Variants in HMGCLL1 observed in about 807,000 individuals in gnomAD.
HMGCLL1 encodes the protein 3-hydroxy-3-methylglutaryl-CoA lyase like 1.
A neutral mutation model predicts 39.1 loss-of-function variants in HMGCLL1; 36 were observed. The ratio of observed to expected loss-of-function variants is 0.92; its 90% CI spans 0.71 to 1.22. The LOEUF is 1.22. Ranked by LOEUF, HMGCLL1 falls within the 50% of genes most tolerant of loss-of-function variation. The probability of loss-of-function intolerance (pLI) is 0.00; values close to 1 mark genes in which losing one functional copy is unlikely to be tolerated. For missense variants in HMGCLL1, 451 were observed against 416.5 expected (o/e 1.08, Z -0.72); for synonymous variants, 149 against 144.0 (o/e 1.03, Z -0.25).
At chr6:55,646,692 T>G in the HMGCLL1 span, among the ~76,000 whole-genome samples, 1 of 152,178 alleles carries the variant, frequency 6.6e-6, no homozygotes, top group East Asian at 1.9e-4. Flanking sequence ...TCCATGTGTT[T>G]GTATAGCTGC....
intron 7 of HMGCLL1, among the ~76,000 whole-genome samples, chr6:55,490,354 C>T (rs1561913768): frequency 6.6e-6 from 1 of 151,948 alleles, no homozygotes; most frequent in Non-Finnish European, 1.5e-5. Context: ...AACACAACAA[C>T]AACAAACAAA....
At chr6:55,645,184 A>G in the HMGCLL1 span, among the ~76,000 whole-genome samples, 2 of 150,698 alleles carry the variant, frequency 1.3e-5, no homozygotes, top group African/African-American at 4.9e-5. Context: ...ATTTTTTTTT[A>G]CTTCTTTTTC....
the HMGCLL1 span, among the ~76,000 whole-genome samples, chr6:55,651,719 C>G: frequency 2.6e-5 from 4 of 152,050 alleles, no homozygotes; most frequent in East Asian, 7.8e-4. Context: ...GACCCCAGAG[C>G]ACTTCAACCC....
At chr6:55,650,124 TATATATATATACACACAC>T in the HMGCLL1 span, among the ~76,000 whole-genome samples, 4,876 of 68,916 alleles carry the variant, frequency 0.071, 245 homozygotes, top group Non-Finnish European at 0.093. Flanking sequence ...TATATATATA[TATATATATATACACACAC>T]ACACACATAT....
At chr6:55,610,827 A>G in the HMGCLL1 span, among the ~76,000 whole-genome samples, 1 of 152,172 alleles carries the variant, frequency 6.6e-6, no homozygotes, top group African/African-American at 2.4e-5. Context: ...TCAGATTAAC[A>G]GTGGATCTCT....
chr6:55,487,711 C>CAGATGGAT (rs1766106379), intron 7 of HMGCLL1, among the ~76,000 whole-genome samples: 3 of 151,848 alleles, frequency 2.0e-5, no homozygotes, highest in African/African-American at 7.3e-5. Flanking sequence ...CTTTACAGTA[C>CAGATGGAT]CCAGGATAAC....
chr6:55,566,984 T>C (rs1771248600), intron 1 of HMGCLL1, among the ~76,000 whole-genome samples: 1 of 152,144 alleles, frequency 6.6e-6, no homozygotes, highest in Non-Finnish European at 1.5e-5. Context: ...TTTACTTCTA[T>C]AAACATTTAA....
Position 55,488,518 on chromosome 6 carries a change from T to C in HMGCLL1, c.795+6901A>G, listed in dbSNP as rs61420782. Reference sequence around the variant, plus strand: ...CATAGAAGATAACCAATAAACCTTTTTTTGGTTAAATTAGTACTTTTAAAT... The same window carrying C: ...CATAGAAGATAACCAATAAACCTTTCTTTGGTTAAATTAGTACTTTTAAAT... On this transcript the variant is annotated intron_variant, in intron 7 of 8. Transcript: ENST00000274901. Among the ~76,000 whole-genome samples the C allele has an allele frequency of 3.7e-4, 57 of 152,196 alleles. 1 individual carries two copies. The highest frequency in any genetic ancestry group is 1.3e-3 in the African/African-American group (56 of 41,564).
chr6:55,551,615 G>C (rs1165022211), intron 1 of HMGCLL1, among the ~76,000 whole-genome samples: 1 of 151,912 alleles, frequency 6.6e-6, no homozygotes, highest in African/African-American at 2.4e-5. Flanking sequence ...AGAATCTAAA[G>C]AAAGTAAAAG....
intron 1 of HMGCLL1, among the ~76,000 whole-genome samples, chr6:55,561,655 C>T (rs1376050049): frequency 6.6e-6 from 1 of 152,052 alleles, no homozygotes; most frequent in African/African-American, 2.4e-5. Context: ...ATGATTATGT[C>T]TAAATAACAG....
the HMGCLL1 span, among the ~76,000 whole-genome samples, chr6:55,610,823 T>G: frequency 6.6e-6 from 1 of 152,014 alleles, no homozygotes; most frequent in Non-Finnish European, 1.5e-5. Flanking sequence ...CCCATCAGAT[T>G]AACAGTGGAT....
the HMGCLL1 span, among the ~76,000 whole-genome samples, chr6:55,647,060 G>T: frequency 4.6e-5 from 7 of 151,872 alleles, no homozygotes; most frequent in South Asian, 1.2e-3. Context: ...TATATATCTG[G>T]GTTCTCTAGT....
chr6:55,651,059 T>C, the HMGCLL1 span, among the ~76,000 whole-genome samples: 1 of 152,046 alleles, frequency 6.6e-6, no homozygotes, highest in Non-Finnish European at 1.5e-5. Context: ...GAACCTAGGG[T>C]GCAAGGCAAA....
intron 7 of HMGCLL1, among the ~76,000 whole-genome samples, chr6:55,482,742 T>A (rs1765809445): frequency 1.3e-5 from 2 of 152,112 alleles, no homozygotes. Flanking sequence ...AAAAGGAACC[T>A]AATTCTCAAA....
intron 7 of HMGCLL1, among the ~76,000 whole-genome samples, chr6:55,446,075 T>C (rs1333156644): frequency 6.6e-6 from 1 of 151,866 alleles, no homozygotes. Flanking sequence ...TGCCAGGGAC[T>C]TGGAATAAAT....
chr6:55,610,389 T>C, the HMGCLL1 span, among the ~76,000 whole-genome samples: 2 of 151,730 alleles, frequency 1.3e-5, no homozygotes, highest in Admixed American at 1.3e-4. Flanking sequence ...ATGAAACATA[T>C]ATAAATATCA....
the HMGCLL1 span, among the ~76,000 whole-genome samples, chr6:55,655,633 A>C: frequency 6.6e-6 from 1 of 152,006 alleles, no homozygotes; most frequent in Admixed American, 6.6e-5. Flanking sequence ...ATTGAATGAA[A>C]TATGTATGGA....
At chr6:55,522,815 T>C (rs1017179242) in intron 3 of HMGCLL1, among the ~76,000 whole-genome samples, 3 of 152,024 alleles carry the variant, frequency 2.0e-5, no homozygotes, top group African/African-American at 4.8e-5. Context: ...TGTATTACCA[T>C]AGAAATTATT....
chr6:55,524,936 G>A (rs1227740250), intron 3 of HMGCLL1, among the ~76,000 whole-genome samples: 1 of 150,802 alleles, frequency 6.6e-6, no homozygotes, highest in Non-Finnish European at 1.5e-5. Flanking sequence ...TTTGAGTAGT[G>A]TAATTAATAC....
Sources: gnomAD v4.1 joint callset for allele counts (sites outside exome capture counted in the v4.1 genomes callset) on GRCh38, gnomAD v4.1.1 for gene constraint, MANE v1.5 for transcripts, NCBI Gene and HGNC (gene_info 2026-07-23, HGNC 2026-07-21) for gene names.